SCAPER: variants seen among roughly 807,000 people sequenced by gnomAD.
The protein encoded by SCAPER is S-phase cyclin A associated protein in the ER, also known as S phase cyclin A-associated protein in the endoplasmic reticulum.
In SCAPER, 98 loss-of-function variants were observed where a neutral mutation model predicts 182.2. The observed-to-expected ratio is 0.54, with a 90% CI of 0.46 to 0.64. The LOEUF is 0.64. SCAPER is among the 30% of genes least tolerant of loss of function. The pLI, the probability that SCAPER is intolerant of heterozygous loss-of-function variation, is 0.00. For synonymous variants in SCAPER, 605 were observed against 564.6 expected (o/e 1.07, Z -1.01); for missense variants, 1,432 against 1,690.0 (o/e 0.85, Z 2.68).
intron 23 of SCAPER, among the ~76,000 whole-genome samples, chr15:76,525,097 T>C (rs1339923197): frequency 6.6e-6 from 1 of 152,092 alleles, no homozygotes; most frequent in Non-Finnish European, 1.5e-5. Flanking sequence ...TCAAGTAATT[T>C]TATCTTTTTC....
chr15:76,793,346 C>T (rs1201477860), intron 8 of SCAPER: 6 of 704,294 alleles, frequency 8.5e-6, no homozygotes, highest in Admixed American at 6.6e-5. Context: ...AATGAGTTGA[C>T]AAGTGGCTGG....
chr15:76,389,595 C>T lies in SCAPER; in HGVS notation c.3468-7980G>A, dbSNP rs74998178. 4.8e-5 allele frequency among the ~76,000 whole-genome samples: 7 copies of T among 145,738 alleles called. No individual in the cohort carries two copies. In the South Asian group the frequency reaches 8.7e-4, roughly 18 times the overall value. ...TTGGGAGGCCGAGGCGGGCAGATCA[C>T]GAGGTCAGGTGATCGAGACCATCCT... On this transcript the variant is annotated intron_variant, in intron 27 of 31. Transcript: ENST00000563290.
At chr15:76,665,877 C>A in intron 20 of SCAPER, 88 bp from the exon 21 acceptor site, 1 of 1,139,364 alleles carries the variant, frequency 8.8e-7, no homozygotes, top group Non-Finnish European at 1.2e-6. Flanking sequence ...GAGTTTAAGA[C>A]ATTTGATGAA....
intron 5 of SCAPER, among the ~76,000 whole-genome samples, chr15:76,838,121 T>C (rs1182936273): frequency 6.6e-6 from 1 of 152,048 alleles, no homozygotes; most frequent in African/African-American, 2.4e-5. Context: ...TGCAGCACTA[T>C]CCACAATAGC....
At chr15:76,496,054 A>T (rs1430114379) in intron 24 of SCAPER, among the ~76,000 whole-genome samples, 1 of 151,096 alleles carries the variant, frequency 6.6e-6, no homozygotes, top group Non-Finnish European at 1.5e-5. Context: ...TGAGAGAGAG[A>T]TGAAAGGTGG....
chr15:76,719,446 T>C (rs964917371), intron 17 of SCAPER, among the ~76,000 whole-genome samples: 2 of 152,084 alleles, frequency 1.3e-5, no homozygotes, highest in Non-Finnish European at 2.9e-5. Context: ...ACTGCAGATA[T>C]GTAAGATGAA....
chr15:76,813,236 A>AC lies in SCAPER; in HGVS notation c.394-8604_394-8603insG, dbSNP rs1568219149. Among the ~76,000 whole-genome samples, 5 of 83,938 alleles carry AC rather than the reference A, an allele frequency of 6.0e-5. 1 individual carries two copies. The highest frequency in any genetic ancestry group is 1.6e-4 in the African/African-American group (5 of 31,484). 55.1% of individuals were successfully genotyped at this position (83,938 alleles called of 152,430 possible). A position where few individuals can be genotyped will look rare whatever the true frequency, so the allele number is the denominator to read the frequency against. ...TTCAATATCCTTTCACTAAAAAAAA[A>AC]AAAAAAAAAAAAAAAAAAACAACTC... On this transcript the variant is annotated intron_variant, in intron 5 of 31. Coordinates refer to ENST00000563290, the MANE Select transcript of SCAPER (RefSeq NM_020843.4).
At position 76,792,646 on chromosome 15, in the gene SCAPER, A is replaced by G. The variant is rs547490006; in HGVS notation, c.772+2634T>C. ...GATGACATTTAAAGAAGCCCAGGAAATATCACTGAATAATGAGAGACCATG... is the reference window on the plus strand; with the variant it reads ...GATGACATTTAAAGAAGCCCAGGAAGTATCACTGAATAATGAGAGACCATG... On this transcript the variant is annotated intron_variant, in intron 8 of 31. Coordinates refer to ENST00000563290, the MANE Select transcript of SCAPER (RefSeq NM_020843.4). 3.9e-4 allele frequency among the ~76,000 whole-genome samples: 60 copies of G among 152,364 alleles called. 1 individual carries two copies. In the South Asian group the frequency reaches 0.012, roughly 31 times the overall value.
intron 22 of SCAPER, among the ~76,000 whole-genome samples, chr15:76,614,515 C>CA (rs1020393251): frequency 2.2e-4 from 33 of 151,984 alleles, no homozygotes; most frequent in African/African-American, 8.0e-4. Context: ...AAATTTGTAA[C>CA]AAAAAAACAA....
intron 17 of SCAPER, among the ~76,000 whole-genome samples, chr15:76,721,485 G>A (rs2060238042): frequency 6.6e-6 from 1 of 151,836 alleles, no homozygotes; most frequent in African/African-American, 2.4e-5. Context: ...AGCTTGATGG[G>A]GATGGCATTG....
At chr15:76,741,157 G>A (rs906663409) in intron 15 of SCAPER, among the ~76,000 whole-genome samples, 3 of 151,878 alleles carry the variant, frequency 2.0e-5, no homozygotes, top group African/African-American at 7.3e-5. Flanking sequence ...ATCTTACTAC[G>A]AAGTATCATG....
At chr15:76,813,457 G>A (rs912120862) in intron 5 of SCAPER, among the ~76,000 whole-genome samples, 2 of 149,740 alleles carry the variant, frequency 1.3e-5, no homozygotes, top group African/African-American at 2.5e-5. Context: ...AAGAGCAATC[G>A]GACCAAAAAA....
intron 8 of SCAPER, among the ~76,000 whole-genome samples, chr15:76,778,150 T>C (rs756617540): frequency 9.2e-5 from 14 of 152,188 alleles, no homozygotes; most frequent in Non-Finnish European, 1.6e-4. Flanking sequence ...CTCATATGTA[T>C]AATTATCCTT....
chr15:76,466,173 C>T (rs1307263023), intron 25 of SCAPER, among the ~76,000 whole-genome samples: 1 of 151,962 alleles, frequency 6.6e-6, no homozygotes. Context: ...TCCTTTCTCT[C>T]TTCTTCTTGT....
intron 17 of SCAPER, among the ~76,000 whole-genome samples, chr15:76,724,285 C>G (rs528415908): frequency 6.6e-6 from 1 of 152,064 alleles, no homozygotes; most frequent in Non-Finnish European, 1.5e-5. Context: ...GAGTTTCTGC[C>G]GAGAGATCAG....
intron 20 of SCAPER, among the ~76,000 whole-genome samples, chr15:76,698,391 CTT>C (rs1371138950): frequency 6.6e-6 from 1 of 152,090 alleles, no homozygotes; most frequent in African/African-American, 2.4e-5. Context: ...ACACTGGAGA[CTT>C]TTAATTATAG....
intron 2 of SCAPER, among the ~76,000 whole-genome samples, chr15:76,882,398 A>AC (rs2073605951): frequency 6.6e-6 from 1 of 151,992 alleles, no homozygotes; most frequent in South Asian, 2.1e-4. Context: ...TCCAGAAGAA[A>AC]AAAAAAAAGA....
At chr15:76,735,197 C>T (rs536422593) in intron 15 of SCAPER, among the ~76,000 whole-genome samples, 1 of 151,450 alleles carries the variant, frequency 6.6e-6, no homozygotes, top group African/African-American at 2.4e-5. Flanking sequence ...TAAATATATA[C>T]AGATAGATAG....
chr15:76,364,870 C>A (rs2041703437), intron 29 of SCAPER, among the ~76,000 whole-genome samples: 1 of 152,030 alleles, frequency 6.6e-6, no homozygotes, highest in African/African-American at 2.4e-5. Flanking sequence ...TGACCTGGAC[C>A]CTGCCTGCCT....
Sources: allele counts gnomAD v4.1 joint callset (sites outside exome capture counted in the v4.1 genomes callset), GRCh38; gene constraint gnomAD v4.1.1; transcripts MANE v1.5; gene names NCBI Gene and HGNC (gene_info 2026-07-23, HGNC 2026-07-21).